Variants in ARID5B observed in about 807,000 individuals in gnomAD.
ARID5B encodes the protein AT-rich interaction domain 5B, also known as AT-rich interactive domain-containing protein 5B.
In ARID5B, 13 loss-of-function variants were observed where a neutral mutation model predicts 97.2. The ratio of observed to expected loss-of-function variants is 0.13; its 90% CI spans 0.09 to 0.21. The LOEUF (loss-of-function observed/expected upper bound fraction) is 0.21. Ranked by LOEUF, ARID5B falls within the 10% of genes least tolerant of loss-of-function variation. The probability of loss-of-function intolerance (pLI) is 1.00; values close to 1 mark genes in which losing one functional copy is unlikely to be tolerated. For synonymous variants in ARID5B, 556 were observed against 570.3 expected (o/e 0.97, Z 0.36); for missense variants, 1,210 against 1,465.3 (o/e 0.83, Z 2.84).
chr10:61,963,480 A>C (rs994858438), intron 3 of ARID5B, among the ~76,000 whole-genome samples: 1 of 152,018 alleles, frequency 6.6e-6, no homozygotes, highest in African/African-American at 2.4e-5. Flanking sequence ...TCCCTGGGGC[A>C]GTGAGAGCGA....
chr10:62,064,912 T>G (rs566698887), intron 7 of ARID5B, among the ~76,000 whole-genome samples: 1 of 152,214 alleles, frequency 6.6e-6, no homozygotes, highest in African/African-American at 2.4e-5. Context: ...TAGCTGGGAT[T>G]ACAGGCACCC....
intron 4 of ARID5B, among the ~76,000 whole-genome samples, chr10:62,010,895 A>C (rs1193996420): frequency 3.3e-5 from 5 of 152,252 alleles, no homozygotes; most frequent in East Asian, 1.9e-4. Flanking sequence ...GACAGCATAC[A>C]GGGCGTTGTC....
At chr10:62,027,199 C>T (rs894948228) in intron 4 of ARID5B, among the ~76,000 whole-genome samples, 10 of 151,496 alleles carry the variant, frequency 6.6e-5, no homozygotes, top group Non-Finnish European at 1.3e-4. Context: ...CAGCTCCACA[C>T]CAGCCTCCTT....
chr10:61,920,694 T>G (rs2132769377), intron 2 of ARID5B, among the ~76,000 whole-genome samples: 1 of 152,304 alleles, frequency 6.6e-6, no homozygotes, highest in Admixed American at 6.5e-5. Context: ...ATATTGCTCT[T>G]GAAAAAATAT....
intron 4 of ARID5B, among the ~76,000 whole-genome samples, chr10:62,043,425 A>G (rs1839666448): frequency 6.6e-6 from 1 of 152,250 alleles, no homozygotes; most frequent in Non-Finnish European, 1.5e-5. Context: ...ACATGATTTC[A>G]GAACAATATT....
intron 4 of ARID5B, among the ~76,000 whole-genome samples, chr10:62,021,905 A>G (rs930584814): frequency 6.6e-6 from 1 of 152,230 alleles, no homozygotes; most frequent in Non-Finnish European, 1.5e-5. Flanking sequence ...ATGACACAAC[A>G]TGGAAAGGAG....
At chr10:62,038,113 T>C (rs973577195) in intron 4 of ARID5B, among the ~76,000 whole-genome samples, 3 of 152,206 alleles carry the variant, frequency 2.0e-5, no homozygotes, top group Non-Finnish European at 4.4e-5. Context: ...AGCTCTTCAG[T>C]CTGTTTTAAT....
At chr10:62,074,941 GTTTTGTATGCCTCC>G (rs1840108557) in intron 8 of ARID5B, among the ~76,000 whole-genome samples, 1 of 152,208 alleles carries the variant, frequency 6.6e-6, no homozygotes, top group Non-Finnish European at 1.5e-5. Context: ...TGGGGCTTGT[GTTTTGTATGCCTCC>G]TTTTGAATTC....
In ARID5B at chr10:62,090,934, G is replaced by A; in HGVS notation, c.1471G>A (p.Ala491Thr). The A allele has an allele frequency of 6.2e-7, 1 of 1,613,966 alleles. No individual in the cohort carries two copies. Among genetic ancestry groups the A allele is most frequent in the Non-Finnish European group, 8.5e-7 (1 of 1,179,990 alleles). Reference sequence around the variant, plus strand: ...AAGCATCCCTGAGCCTCTCCCAGCAGCAGACATGAAGAAAAAAATAGAAGG... The same window carrying A: ...AAGCATCCCTGAGCCTCTCCCAGCAACAGACATGAAGAAAAAAATAGAAGG... ...QKSIPEPLPA[A>T]DMKKKIEGYQ... The change falls in exon 10 of 10, where the codon GCA becomes ACA. Residue 491 changes from alanine to threonine, a missense_variant. Coordinates refer to ENST00000279873, the MANE Select transcript of ARID5B (RefSeq NM_032199.3).
At chr10:61,947,832 T>A (rs1564610353) in intron 3 of ARID5B, among the ~76,000 whole-genome samples, 1 of 152,190 alleles carries the variant, frequency 6.6e-6, no homozygotes, top group Non-Finnish European at 1.5e-5. Flanking sequence ...AATCAACAGC[T>A]GGTCGTTGAT....
intron 2 of ARID5B, among the ~76,000 whole-genome samples, chr10:61,917,985 G>A (rs1233734944): frequency 1.3e-5 from 2 of 152,168 alleles, no homozygotes; most frequent in African/African-American, 4.8e-5. Flanking sequence ...AGGGATGGAT[G>A]AGGGTAAGAG....
chr10:62,040,143 ACT>A (rs139249443), intron 4 of ARID5B, among the ~76,000 whole-genome samples: 2 of 151,508 alleles, frequency 1.3e-5, no homozygotes, highest in African/African-American at 4.8e-5. Flanking sequence ...CTCCATTCTC[ACT>A]CTCTCTCTCT....
At chr10:62,025,150 C>T (rs577511165) in intron 4 of ARID5B, 1 of 152,512 alleles carries the variant, frequency 6.6e-6, no homozygotes, top group Admixed American at 6.5e-5. Flanking sequence ...GCATTCTGAA[C>T]AGTAAAAAGC....
chr10:62,062,012 G>T (rs568848646), intron 7 of ARID5B, among the ~76,000 whole-genome samples: 5 of 151,892 alleles, frequency 3.3e-5, no homozygotes, highest in Admixed American at 6.6e-5. Context: ...TCATGCTATA[G>T]ATTGGCCCTG....
chr10:62,041,502 C>A (rs771593284), intron 4 of ARID5B, among the ~76,000 whole-genome samples: 1 of 152,084 alleles, frequency 6.6e-6, no homozygotes, highest in Non-Finnish European at 1.5e-5. Context: ...AGTGAAAAGC[C>A]CCCTTTCTGT....
chr10:61,978,470 T>C (rs1328739717), intron 3 of ARID5B, among the ~76,000 whole-genome samples: 1 of 152,234 alleles, frequency 6.6e-6, no homozygotes, highest in Non-Finnish European at 1.5e-5. Context: ...ATTTTCACGA[T>C]ATTGATTCTT....
chr10:61,948,703 G>T (rs1197154156), intron 3 of ARID5B, among the ~76,000 whole-genome samples: 1 of 151,934 alleles, frequency 6.6e-6, no homozygotes, highest in Non-Finnish European at 1.5e-5. Flanking sequence ...CATTTATATT[G>T]CAGGAGCTCA....
intron 3 of ARID5B, among the ~76,000 whole-genome samples, chr10:61,994,122 T>C (rs1475101359): frequency 1.3e-5 from 2 of 152,218 alleles, no homozygotes; most frequent in African/African-American, 4.8e-5. Flanking sequence ...GCATTTGCCC[T>C]AATACGATTA....
chr10:62,036,519 A>C (rs1839566338), intron 4 of ARID5B, among the ~76,000 whole-genome samples: 1 of 152,240 alleles, frequency 6.6e-6, no homozygotes, highest in South Asian at 2.1e-4. Flanking sequence ...TATGGTGCAC[A>C]GAAGTCCTGC....
Sources: gnomAD v4.1 joint callset for allele counts (sites outside exome capture counted in the v4.1 genomes callset) on GRCh38, gnomAD v4.1.1 for gene constraint, MANE v1.5 for transcripts, NCBI Gene and HGNC (gene_info 2026-07-23, HGNC 2026-07-21) for gene names.